Variants in PPP2R2B observed in about 807,000 individuals in gnomAD.
The protein encoded by PPP2R2B is protein phosphatase 2 regulatory subunit Bbeta, also known as serine/threonine-protein phosphatase 2A 55 kDa regulatory subunit B beta isoform.
In PPP2R2B, 5 loss-of-function variants were observed where a neutral mutation model predicts 46.0. The ratio of observed to expected loss-of-function variants is 0.11; its 90% CI spans 0.06 to 0.23. PPP2R2B has a LOEUF of 0.23. Among genes scored for constraint, PPP2R2B ranks in the 10% least tolerant of loss-of-function variants. The probability of loss-of-function intolerance (pLI) is 1.00; values close to 1 mark genes in which losing one functional copy is unlikely to be tolerated. For missense variants in PPP2R2B, 367 were observed against 575.0 expected (o/e 0.64, Z 3.70); for synonymous variants, 215 against 206.7 (o/e 1.04, Z -0.34).
At chr5:146,870,141 C>T (rs1271050438) in intron 2 of PPP2R2B, among the ~76,000 whole-genome samples, 6 of 152,250 alleles carry the variant, frequency 3.9e-5, no homozygotes, top group South Asian at 4.1e-4. Flanking sequence ...ATTCTTTGAC[C>T]ACTTCAGGTT....
rs186799383 is a variant in PPP2R2B, at chr5:146,812,066, T to A, written c.70+65936A>T. Among the ~76,000 whole-genome samples the A allele has an allele frequency of 5.3e-5, 8 of 152,136 alleles. No individual in the cohort carries two copies. In the East Asian group the frequency reaches 1.4e-3, roughly 26 times the overall value. ...GTCTTATTGGCATGCTACAGGGAAC[T>A]GGGCCCAAGAGCTCTGAGTTAACTT... is the stretch of plus-strand genomic sequence containing the variant. On this transcript the variant is annotated intron_variant, in intron 2 of 9. Coordinates refer to ENST00000394411, the MANE Select transcript of PPP2R2B (RefSeq NM_181675.4).
In PPP2R2B at chr5:146,580,769, T is replaced by C. The variant is rs1769856105; in HGVS notation, c.*9178A>G. 6.6e-6 allele frequency among the ~76,000 whole-genome samples: 1 copy of C among 150,760 alleles called. No individual in the cohort carries two copies. On this transcript the variant is annotated 3_prime_UTR_variant, in exon 10 of 10. Coordinates refer to ENST00000394411, the MANE Select transcript of PPP2R2B (RefSeq NM_181675.4). ...ACATTAGGAAGAATTTATTGAATGCTAGATAACATGGAAAAGCTATAATTA... is the reference window on the plus strand; with the variant it reads ...ACATTAGGAAGAATTTATTGAATGCCAGATAACATGGAAAAGCTATAATTA...
At chr5:146,859,901 T>C (rs1259893321) in intron 2 of PPP2R2B, among the ~76,000 whole-genome samples, 1 of 152,102 alleles carries the variant, frequency 6.6e-6, no homozygotes, top group Non-Finnish European at 1.5e-5. Flanking sequence ...AGGACAGTTT[T>C]GTGTAGGGAA....
intron 2 of PPP2R2B, among the ~76,000 whole-genome samples, chr5:146,854,175 AATT>A (rs1487695584): frequency 6.6e-6 from 1 of 152,116 alleles, no homozygotes; most frequent in Non-Finnish European, 1.5e-5. Context: ...ACACACATTA[AATT>A]ATTATTTCAC....
chr5:147,056,705 G>A (rs1757097041), upstream of PPP2R2B, among the ~76,000 whole-genome samples: 1 of 152,146 alleles, frequency 6.6e-6, no homozygotes, highest in African/African-American at 2.4e-5. Context: ...GGCAGAGACA[G>A]AGACAGATAG....
chr5:146,621,948 C>T (rs1209536364), intron 7 of PPP2R2B, among the ~76,000 whole-genome samples: 3 of 152,136 alleles, frequency 2.0e-5, no homozygotes, highest in African/African-American at 7.2e-5. Flanking sequence ...CAGGTACTTC[C>T]TCCCAGTGTA....
At chr5:146,837,743 T>C (rs1759377781) in intron 2 of PPP2R2B, among the ~76,000 whole-genome samples, 1 of 152,228 alleles carries the variant, frequency 6.6e-6, no homozygotes, top group Non-Finnish European at 1.5e-5. Context: ...ATTTTACACT[T>C]TCAGCATATC....
intron 2 of PPP2R2B, among the ~76,000 whole-genome samples, chr5:146,869,960 A>T (rs1761518335): frequency 6.6e-6 from 1 of 152,036 alleles, no homozygotes; most frequent in Non-Finnish European, 1.5e-5. Context: ...GGTATTTTGT[A>T]CTTAGGGACC....
At chr5:146,854,435 TTCTC>T (rs745938634) in intron 2 of PPP2R2B, among the ~76,000 whole-genome samples, 1 of 152,188 alleles carries the variant, frequency 6.6e-6, no homozygotes. Context: ...ACATTTCAAA[TTCTC>T]TCTTCTGGCT....
At chr5:146,841,815 G>A (rs896970063) in intron 2 of PPP2R2B, among the ~76,000 whole-genome samples, 9 of 152,108 alleles carry the variant, frequency 5.9e-5, no homozygotes, top group Non-Finnish European at 1.2e-4. Flanking sequence ...ATAGCATTAG[G>A]AGAAATACCT....
intron 5 of PPP2R2B, among the ~76,000 whole-genome samples, chr5:146,678,119 A>T (rs189368646): frequency 3.9e-5 from 6 of 152,244 alleles, no homozygotes; most frequent in African/African-American, 1.4e-4. Context: ...GGTGGTTAAG[A>T]GAACATTGAT....
intron 5 of PPP2R2B, among the ~76,000 whole-genome samples, chr5:146,661,861 T>G (rs1455192825): frequency 1.3e-5 from 2 of 152,164 alleles, no homozygotes; most frequent in Non-Finnish European, 2.9e-5. Context: ...TCCTTTGATG[T>G]TTTACATTGT....
At chr5:147,031,918 C>T (rs1315248159) in intron 1 of PPP2R2B, among the ~76,000 whole-genome samples, 1 of 152,110 alleles carries the variant, frequency 6.6e-6, no homozygotes, top group Non-Finnish European at 1.5e-5. Context: ...ACAAGCTAAA[C>T]TGAAGACCTG....
intron 2 of PPP2R2B, among the ~76,000 whole-genome samples, chr5:146,745,000 A>G (rs895226224): frequency 2.6e-5 from 4 of 152,172 alleles, no homozygotes; most frequent in African/African-American, 7.2e-5. Flanking sequence ...TAGAATATAA[A>G]TTGTCCATTC....
intron 2 of PPP2R2B, among the ~76,000 whole-genome samples, chr5:146,819,012 T>C (rs1476253418): frequency 2.0e-5 from 3 of 152,188 alleles, no homozygotes; most frequent in Non-Finnish European, 4.4e-5. Context: ...TTCTCTGCAT[T>C]TGAAAATCAA....
intron 3 of PPP2R2B, among the ~76,000 whole-genome samples, 169 bp from the exon 4 acceptor site, chr5:146,698,313 AAAAAATAT>A (rs1202785846): frequency 2.2e-5 from 2 of 91,294 alleles, no homozygotes; most frequent in African/African-American, 1.0e-4. Context: ...AAAAAAAAAA[AAAAAATAT>A]ATATATATAT....
chr5:146,887,608 T>A (rs986264749), intron 1 of PPP2R2B, among the ~76,000 whole-genome samples: 1 of 152,232 alleles, frequency 6.6e-6, no homozygotes, highest in Non-Finnish European at 1.5e-5. Flanking sequence ...AATAGTAAGA[T>A]GATACCATAT....
intron 2 of PPP2R2B, among the ~76,000 whole-genome samples, chr5:146,715,468 G>T (rs1413022472): frequency 6.6e-6 from 1 of 152,102 alleles, no homozygotes; most frequent in Non-Finnish European, 1.5e-5. Flanking sequence ...CAGGCACGGC[G>T]TTCGACCCTC....
chr5:146,660,290 CCAGT>C (rs1375978442), intron 5 of PPP2R2B, among the ~76,000 whole-genome samples: 2 of 152,026 alleles, frequency 1.3e-5, no homozygotes, highest in East Asian at 1.9e-4. Flanking sequence ...AGGAAGAATG[CCAGT>C]CATTTTTCAT....
Sources: gnomAD v4.1 joint callset for allele counts (sites outside exome capture counted in the v4.1 genomes callset) on GRCh38, gnomAD v4.1.1 for gene constraint, MANE v1.5 for transcripts, NCBI Gene and HGNC (gene_info 2026-07-23, HGNC 2026-07-21) for gene names.